PIK3R5: variants seen among roughly 807,000 people sequenced by gnomAD.
PIK3R5 encodes the protein phosphoinositide-3-kinase regulatory subunit 5, also known as phosphoinositide 3-kinase regulatory subunit 5.
Under a neutral mutation model 94.9 loss-of-function variants are expected in PIK3R5, and 32 were observed. That is an observed-to-expected ratio of 0.34 (90% CI 0.25 to 0.45). The LOEUF is 0.45. Ranked by LOEUF, PIK3R5 falls within the 20% of genes least tolerant of loss-of-function variation. PIK3R5 has a pLI of 1.00. For missense variants in PIK3R5, 853 were observed against 1,144.6 expected (o/e 0.75, Z 3.68); for synonymous variants, 443 against 479.4 (o/e 0.92, Z 0.99).
intron 1 of PIK3R5, among the ~76,000 whole-genome samples, chr17:8,942,195 C>A (rs1208107888): frequency 3.9e-5 from 6 of 152,132 alleles, no homozygotes; most frequent in African/African-American, 1.4e-4. Context: ...GAAGGGCAGA[C>A]CCTCGAGCTG....
At chr17:8,957,066 A>G (rs975028570) in intron 1 of PIK3R5, among the ~76,000 whole-genome samples, 6 of 152,162 alleles carry the variant, frequency 3.9e-5, no homozygotes, top group African/African-American at 1.4e-4. Context: ...CTGTTTATTC[A>G]AGGTCACTGA....
chr17:8,895,582 T>G (rs2090135655), intron 5 of PIK3R5, among the ~76,000 whole-genome samples: 1 of 152,210 alleles, frequency 6.6e-6, no homozygotes, highest in African/African-American at 2.4e-5. Context: ...TTTGGAGTGC[T>G]TGGTACTGTT....
intron 1 of PIK3R5, among the ~76,000 whole-genome samples, chr17:8,934,501 T>C (rs1001442567): frequency 6.6e-6 from 1 of 152,204 alleles, no homozygotes; most frequent in Admixed American, 6.5e-5. Flanking sequence ...AGTTCATCTA[T>C]GGATTCAATG....
Position 8,948,062 on chromosome 17 carries a change from AAAAAG to A in PIK3R5, c.-14+17529_-14+17533del, listed in dbSNP as rs796803392. ...CGTCTTAAAAAAAAAAAAAAAAAAA[AAAAAG>A]AAAAGAAAAGAAAAGAAAAAGAAAA... On this transcript the variant is annotated intron_variant, in intron 1 of 18. Transcript: ENST00000447110. 2.7e-3 allele frequency among the ~76,000 whole-genome samples: 398 copies of A among 146,120 alleles called. 3 individuals are homozygous for A. The highest frequency in any genetic ancestry group is 0.01 in the African/African-American group (382 of 37,698).
At position 8,924,291 on chromosome 17, in the gene PIK3R5, C is replaced by T. The variant is rs142084870; in HGVS notation, c.-13-12784G>A. 7.5e-4 allele frequency among the ~76,000 whole-genome samples: 112 copies of T among 149,642 alleles called. 3 individuals are homozygous for T. In the East Asian group the frequency reaches 0.02, roughly 27 times the overall value. ...GGTGGGGTTTCACCATGTTGCCAGG[C>T]TGATCTTGAACTCCTGAGCTCAAGC... is the stretch of plus-strand genomic sequence containing the variant. On this transcript the variant is annotated intron_variant, in intron 1 of 18. Transcript: ENST00000447110.
intron 1 of PIK3R5, among the ~76,000 whole-genome samples, chr17:8,918,244 G>T (rs1167536924): frequency 6.6e-6 from 1 of 152,196 alleles, no homozygotes; most frequent in African/African-American, 2.4e-5. Flanking sequence ...AAAGGAAACA[G>T]AGCTCCTTGG....
At chr17:8,938,825 A>T (rs1015164087) in intron 1 of PIK3R5, among the ~76,000 whole-genome samples, 20 of 152,238 alleles carry the variant, frequency 1.3e-4, no homozygotes, top group Admixed American at 9.8e-4. Context: ...AAATGCTTGA[A>T]TTTATGGACC....
At position 8,893,097 on chromosome 17, in the gene PIK3R5, G is replaced by A. The variant is rs1377501007; in HGVS notation, c.482+489C>T. 6.9e-6 allele frequency among the ~76,000 whole-genome samples: 1 copy of A among 145,934 alleles called. No individual in the cohort carries two copies. Among genetic ancestry groups the A allele is most frequent in the African/African-American group, 2.7e-5 (1 of 37,510 alleles). ...GTGTGTGTGTGTGTTTGTGTATCAG[G>A]CTGTCATATAAAATGGATTTTTCTT... On this transcript the variant is annotated intron_variant, in intron 6 of 18. Transcript: ENST00000447110. The surrounding 1 kb of genome is among the most constrained non-coding windows in gnomAD (Gnocchi z 5.1).
In PIK3R5 at chr17:8,882,074, G is replaced by T; in HGVS notation, c.2206-193C>A. ...CTCCAGGGAAGAGCTCACGTCACTG[G>T]CTTGGTCTAGGGGTCAGCAGCCTCT... On this transcript the variant is annotated intron_variant, in intron 15 of 18. Transcript: ENST00000447110. The surrounding 1 kb of genome is among the most constrained non-coding windows in gnomAD (Gnocchi z 4.1). 1 of 591,242 alleles carries T rather than the reference G, an allele frequency of 1.7e-6. No individual in the cohort carries two copies. Among genetic ancestry groups the T allele is most frequent in the Non-Finnish European group, 3.0e-6 (1 of 330,560 alleles). The allele number at this position is 591,242 out of a possible 1,614,324, so 36.6% of individuals were successfully genotyped here.
rs779703686 is a variant in PIK3R5 at position 8,888,306 on chromosome 17, G to A, written c.1481C>T (p.Ala494Val). 18 of 1,612,854 alleles carry A rather than the reference G, an allele frequency of 1.1e-5. No homozygotes were observed. In the Admixed American group the frequency reaches 1.2e-4, roughly 10 times the overall value. The change falls in exon 10 of 19, where the codon GCC (alanine) becomes GTC (valine). Residue 494 changes from alanine to valine, a missense_variant. Ala to Val is a moderately conservative substitution (Grantham distance 64). Coordinates refer to ENST00000447110, the MANE Select transcript of PIK3R5 (RefSeq NM_001142633.3). The surrounding 1 kb of genome is among the most constrained non-coding windows in gnomAD (Gnocchi z 7.8). The part of the protein sequence containing the change: ...LGTQLPSWLL[A>V]PASRPQRRRP... ...GCGGCGCTGGGGGCGTGAAGCAGGG[G>A]CCAGAAGCCAGCTGGGCAGCTGGGT...
At chr17:8,960,156 G>T (rs1287069913) in intron 1 of PIK3R5, among the ~76,000 whole-genome samples, 1 of 152,152 alleles carries the variant, frequency 6.6e-6, no homozygotes, top group Non-Finnish European at 1.5e-5. Flanking sequence ...TCACAGGAGA[G>T]GGAGCCCACA....
intron 5 of PIK3R5, among the ~76,000 whole-genome samples, chr17:8,900,071 A>G (rs1180769067): frequency 6.6e-6 from 1 of 152,102 alleles, no homozygotes; most frequent in Non-Finnish European, 1.5e-5. Context: ...GTATTTTTCA[A>G]CAAGCTCATT....
At position 8,889,159 on chromosome 17, in the gene PIK3R5, C is replaced by T. The variant is rs775354959; in HGVS notation, c.875G>A (p.Ser292Asn). The change falls in exon 9 of 19, where the codon AGC becomes AAC. Residue 292 changes from serine to asparagine, a missense_variant. Ser to Asn is a conservative substitution (Grantham distance 46). This residue lies in a region of PIK3R5 where 161 missense variants were observed against 249.5 expected (regional missense o/e 0.65). Coordinates refer to ENST00000447110, the MANE Select transcript of PIK3R5 (RefSeq NM_001142633.3). This position sits in a 1 kb window ranked among gnomAD's most constrained non-coding sequence, Gnocchi z 4.1. ...PIPVARCYTY[S>N]WSQDSFDILQ... Reference sequence around the variant, plus strand: ...CTTACCAAAGCTGTCCTGGCTCCAGCTGTAGGTGTAGCACCTGGCGACAGG... The same window carrying T: ...CTTACCAAAGCTGTCCTGGCTCCAGTTGTAGGTGTAGCACCTGGCGACAGG... 2 of 1,613,926 alleles carry T rather than the reference C, an allele frequency of 1.2e-6. No homozygotes were observed. Among genetic ancestry groups the T allele is most frequent in the South Asian group, 2.2e-5 (2 of 91,086 alleles).
In PIK3R5 at chr17:8,893,510, A is replaced by AGGT. The variant is rs1417586473; in HGVS notation, c.482+75_482+76insACC. 4 of 1,137,764 alleles carry AGGT rather than the reference A, an allele frequency of 3.5e-6. No individual in the cohort carries two copies. Among genetic ancestry groups the AGGT allele is most frequent in the Non-Finnish European group, 4.0e-6 (3 of 753,592 alleles). The allele number at this position is 1,137,764 out of a possible 1,614,324, so 70.5% of individuals were successfully genotyped here. A position where few individuals can be genotyped will look rare whatever the true frequency, so the allele number is the denominator to read the frequency against. ...GGGGCACTGGATGTTTGAGTGGGGG[A>AGGT]GGAGGGTGAAGGTGGAACAGTGCAG... On this transcript the variant is annotated intron_variant, in intron 6 of 18. Coordinates refer to ENST00000447110, the MANE Select transcript of PIK3R5 (RefSeq NM_001142633.3). The surrounding 1 kb of genome is among the most constrained non-coding windows in gnomAD (Gnocchi z 5.1).
chr17:8,882,033 G>C lies in PIK3R5; in HGVS notation c.2206-152C>G, dbSNP rs1293286393. On this transcript the variant is annotated intron_variant, in intron 15 of 18. Transcript: ENST00000447110. This position sits in a 1 kb window ranked among gnomAD's most constrained non-coding sequence, Gnocchi z 4.1. ...TTCACCAGGGCCCCTGTACCACCCTGGATAGACCTGGATGACTCCAGGGAA... is the reference window on the plus strand; with the variant it reads ...TTCACCAGGGCCCCTGTACCACCCTCGATAGACCTGGATGACTCCAGGGAA... 4.7e-6 allele frequency: 3 copies of C among 634,302 alleles called. No individual in the cohort carries two copies. Among genetic ancestry groups the C allele is most frequent in the Non-Finnish European group, 8.5e-6 (3 of 355,000 alleles). The allele number at this position is 634,302 out of a possible 1,614,324, so 39.3% of individuals were successfully genotyped here.
At chr17:8,949,726 G>A (rs1380362568) in intron 1 of PIK3R5, among the ~76,000 whole-genome samples, 2 of 152,128 alleles carry the variant, frequency 1.3e-5, no homozygotes, top group Admixed American at 6.5e-5. Context: ...GGATGCAAAG[G>A]CATAAGAATG....
chr17:8,898,282 TA>T (rs2090196712), intron 5 of PIK3R5, among the ~76,000 whole-genome samples: 2 of 152,236 alleles, frequency 1.3e-5, no homozygotes, highest in South Asian at 4.1e-4. Flanking sequence ...AAAACTGACC[TA>T]ACCCAGGTTT....
chr17:8,888,755 ATCTC>A lies in PIK3R5; in HGVS notation c.1028_1031del (p.Arg343IlefsTer33). On this transcript the variant is annotated frameshift_variant, in exon 10 of 19. Coordinates refer to ENST00000447110, the MANE Select transcript of PIK3R5 (RefSeq NM_001142633.3). LOFTEE classifies it high-confidence loss of function. This position sits in a 1 kb window ranked among gnomAD's most constrained non-coding sequence, Gnocchi z 7.8. ...CCAAAGAGCTGGTGGAGAGCAGGGA[ATCTC>A]TCTCGGCACAGTGCCCGTCAGTTTC... 2.5e-6 allele frequency: 4 copies of A among 1,613,366 alleles called. No homozygotes were observed. The highest frequency in any genetic ancestry group is 3.4e-6 in the Non-Finnish European group (4 of 1,179,930).
At chr17:8,943,305 G>T (rs1342150831) in intron 1 of PIK3R5, among the ~76,000 whole-genome samples, 1 of 151,938 alleles carries the variant, frequency 6.6e-6, no homozygotes, top group Non-Finnish European at 1.5e-5. Flanking sequence ...GTCCAGGCTG[G>T]TCTCAAACTC....
Sources: allele counts gnomAD v4.1 joint callset (sites outside exome capture counted in the v4.1 genomes callset), GRCh38; gene constraint gnomAD v4.1.1; regional missense constraint gnomAD v4.1.1; non-coding constraint Gnocchi (gnomAD v3.1); transcripts MANE v1.5; gene names NCBI Gene and HGNC (gene_info 2026-07-23, HGNC 2026-07-21).